The following CFAP65 variants were observed in gnomAD, a reference collection of about 807,000 sequenced individuals.
CFAP65 encodes cilia- and flagella-associated protein 65.
A neutral mutation model predicts 208.0 loss-of-function variants in CFAP65; 155 were observed. That is an observed-to-expected ratio of 0.75 (90% CI 0.65 to 0.85). CFAP65 has a LOEUF of 0.85. Among genes scored for constraint, CFAP65 ranks in the 40% least tolerant of loss-of-function variants. The pLI is 0.00. For missense variants in CFAP65, 2,294 were observed against 2,451.3 expected (o/e 0.94, Z 1.36); for synonymous variants, 970 against 986.3 (o/e 0.98, Z 0.31).
Position 219,031,102 on chromosome 2 carries a change from T to C in CFAP65, c.1015+4A>G. On this transcript the variant is annotated splice_donor_region_variant and intron_variant, in intron 8 of 34. Coordinates refer to ENST00000341552, the MANE Select transcript of CFAP65 (RefSeq NM_194302.4). The surrounding 1 kb of genome is among the most constrained non-coding windows in gnomAD (Gnocchi z 5.2). ...TCTGGGGACGGTGGGAGGTTGGGCC[T>C]CACCCACAGCCTGCAGCTGGATGCT... 1.3e-6 allele frequency: 2 copies of C among 1,578,970 alleles called. No individual in the cohort carries two copies. Among genetic ancestry groups the C allele is most frequent in the Non-Finnish European group, 1.7e-6 (2 of 1,162,170 alleles).
At chr2:219,023,490 C>A (rs1223208684) in intron 15 of CFAP65, 59 bp from the exon 16 acceptor site, 1 of 1,265,974 alleles carries the variant, frequency 7.9e-7, no homozygotes, top group Admixed American at 2.4e-5. Context: ...CAGCCCCCCA[C>A]AACATGTCCA....
At chr2:219,041,526 G>T (rs757325589), upstream of CFAP65, 36 of 1,550,372 alleles carry the variant, frequency 2.3e-5, no homozygotes, top group Non-Finnish European at 3.1e-5. Context: ...TACAGGACGC[G>T]CAGGAAACGG....
rs747585408 is a variant in CFAP65 at position 219,003,969 on chromosome 2, C to G, written c.5538G>C (p.Glu1846Asp). 1 of 1,612,958 alleles carries G rather than the reference C, an allele frequency of 6.2e-7. No individual in the cohort carries two copies. Residue 1846 changes from glutamate (E) to aspartate (D), a missense_variant, in exon 33 of 35, where the codon GAG becomes GAC. Physicochemically the swap from Glu to Asp is conservative, Grantham distance 45. Transcript: ENST00000341552. The surrounding 1 kb of genome is among the most constrained non-coding windows in gnomAD (Gnocchi z 4.4). Reference protein sequence around the residue: ...VMVKEEQEQDEKEAIRRLPAF... With the variant: ...VMVKEEQEQDDKEAIRRLPAF... ...CTGCTCACCTTCTGATGGCCTCCTT[C>G]TCGTCCTGTTCTTGCTCCTCCTTCA... is the stretch of plus-strand genomic sequence containing the variant.
chr2:219,034,502 C>T (rs907923055), intron 5 of CFAP65: 2 of 151,996 alleles, frequency 1.3e-5, no homozygotes, highest in Admixed American at 1.3e-4. Flanking sequence ...TAAAAAAGCA[C>T]CAATCATAAA....
chr2:219,013,675 G>C (rs1559126835), intron 22 of CFAP65, 90 bp from the exon 23 acceptor site: 6 of 1,339,156 alleles, frequency 4.5e-6, no homozygotes, highest in Non-Finnish European at 6.3e-6. Context: ...GTGGCTTTGA[G>C]CTGGCCAGCC....
chr2:219,026,800 A>G, intron 13 of CFAP65: 4 of 986,074 alleles, frequency 4.1e-6, no homozygotes, highest in Non-Finnish European at 4.8e-6. Context: ...TAAATATCTG[A>G]CAGGCTGAAC....
rs1477695413 is a variant in CFAP65 at position 219,040,512 on chromosome 2, C to G, written c.-3+7G>C. ...TAGGCACCAGACAAGGCAGGCAAGGCTCCTACCTCCAATTGTGAACTGGAC... is the reference window on the plus strand; with the variant it reads ...TAGGCACCAGACAAGGCAGGCAAGGGTCCTACCTCCAATTGTGAACTGGAC... On this transcript the variant is annotated splice_region_variant and intron_variant, in intron 2 of 34. Transcript: ENST00000341552. 1.4e-6 allele frequency: 2 copies of G among 1,412,620 alleles called. No homozygotes were observed. The highest frequency in any genetic ancestry group is 2.0e-6 in the Non-Finnish European group (2 of 1,020,786). 87.5% of individuals were successfully genotyped at this position (1,412,620 alleles called of 1,614,324 possible).
intron 14 of CFAP65, among the ~76,000 whole-genome samples, chr2:219,025,169 G>A (rs544653324): frequency 1.3e-5 from 2 of 152,206 alleles, no homozygotes; most frequent in South Asian, 2.1e-4. Context: ...AGGGAGTGAC[G>A]CCAGATCTTC....
chr2:219,018,833 G>A lies in CFAP65; in HGVS notation c.3602+218C>T, dbSNP rs113664829. ...CAGGCTCCATCAGGGCAGTCCCACC[G>A]CTTCTGAGCCTATCACCGTGTCTCA... On this transcript the variant is annotated intron_variant, in intron 21 of 34. Transcript: ENST00000341552. The A allele has an allele frequency of 4.0e-4, 248 of 618,736 alleles. 1 individual carries two copies. Among genetic ancestry groups the A allele is most frequent in the African/African-American group, 3.9e-3 (215 of 54,472 alleles). The allele number at this position is 618,736 out of a possible 1,614,324, so 38.3% of individuals were successfully genotyped here.
intron 14 of CFAP65, 53 bp downstream of exon 14, chr2:219,025,969 C>T: frequency 1.1e-5 from 16 of 1,486,794 alleles, no homozygotes; most frequent in Non-Finnish European, 1.5e-5. Context: ...CAGGCCAAGG[C>T]AGAAGCTAGG....
chr2:219,021,904 C>T lies in CFAP65; in HGVS notation c.3006G>A (p.Gly1002=). Residue 1002 remains glycine, a synonymous_variant, in exon 18 of 35, where the codon GGG becomes GGA. Transcript: ENST00000341552. Reference sequence around the variant, plus strand: ...ACTGCTTGCTGTTCACCAGCACATTCCCAAAGGCCAGCTCCTTTTCCTTTG... The same window carrying T: ...ACTGCTTGCTGTTCACCAGCACATTTCCAAAGGCCAGCTCCTTTTCCTTTG... The part of the protein sequence containing the change: ...LSAKEKELAF[G]NVLVNSKQSR... 1.9e-6 allele frequency: 3 copies of T among 1,613,740 alleles called. No individual in the cohort carries two copies. The highest frequency in any genetic ancestry group is 2.5e-6 in the Non-Finnish European group (3 of 1,180,018).
chr2:219,029,587 A>G lies in CFAP65; in HGVS notation c.1466T>C (p.Ile489Thr). Residue 489 changes from isoleucine (I) to threonine (T), a missense_variant, in exon 11 of 35, where the codon ATT becomes ACT. Ile to Thr is a moderately conservative substitution (Grantham distance 89). Around this residue, in one of 2 missense-constraint regions of CFAP65, gnomAD observed 867 missense variants for 1,012.6 expected, o/e 0.86. Coordinates refer to ENST00000341552, the MANE Select transcript of CFAP65 (RefSeq NM_194302.4). ...LGERSEQPLWIENQSDCTAHF... is the reference protein window; with the variant it reads ...LGERSEQPLWTENQSDCTAHF... ...GGCCGTGCAGTCCGATTGGTTCTCA[A>G]TCCACAGGGGCTGCTCGGAGCGCTC... 1 of 1,614,062 alleles carries G rather than the reference A, an allele frequency of 6.2e-7. No homozygotes were observed. Among genetic ancestry groups the G allele is most frequent in the Non-Finnish European group, 8.5e-7 (1 of 1,179,996 alleles).
At chr2:219,011,616 GA>G (rs1306612216) in intron 24 of CFAP65, among the ~76,000 whole-genome samples, 1 of 152,148 alleles carries the variant, frequency 6.6e-6, no homozygotes, top group Non-Finnish European at 1.5e-5. Flanking sequence ...TAAGGGGGCG[GA>G]AAAGTCTGAG....
Position 219,003,302 on chromosome 2 carries a change from C to T in CFAP65, c.5556-30G>A. ...GAGGGGGCGGGGGCTAGCATGAGGG[C>T]GGCCGCAGTGCCCGCGCGCCTCCTC... On this transcript the variant is annotated intron_variant, in intron 33 of 34. Coordinates refer to ENST00000341552, the MANE Select transcript of CFAP65 (RefSeq NM_194302.4). The surrounding 1 kb of genome is among the most constrained non-coding windows in gnomAD (Gnocchi z 4.4). 6.7e-7 allele frequency: 1 copy of T among 1,491,688 alleles called. No homozygotes were observed. Among genetic ancestry groups the T allele is most frequent in the Non-Finnish European group, 8.9e-7 (1 of 1,118,848 alleles). The allele number at this position is 1,491,688 out of a possible 1,614,324, so 92.4% of individuals were successfully genotyped here. A position where few individuals can be genotyped will look rare whatever the true frequency, so the allele number is the denominator to read the frequency against.
At position 219,002,997 on chromosome 2, in the gene CFAP65, C is replaced by T. The variant is rs73089092; in HGVS notation, c.5718G>A (p.Leu1906=). The stretch of plus-strand genomic sequence containing the variant: ...GGAGTACCTCTGCTTGCTGCGTCGG[C>T]AGCAGCGTGTCCGGGGTCAGACTCC... The part of the protein sequence containing the change: ...VPRSLTPDTL[L]PTQQAEVLHP... Residue 1906 remains leucine (L), a synonymous_variant, in exon 35 of 35, where the codon CTG becomes CTA. Transcript: ENST00000341552. The surrounding 1 kb of genome is among the most constrained non-coding windows in gnomAD (Gnocchi z 7.9). 1,137 of 1,561,940 alleles carry T rather than the reference C, an allele frequency of 7.3e-4. 10 individuals are homozygous for T. In the African/African-American group the frequency reaches 0.012, roughly 17 times the overall value.
intron 2 of CFAP65, among the ~76,000 whole-genome samples, chr2:219,039,610 A>C (rs1948560448): frequency 6.6e-6 from 1 of 152,282 alleles, no homozygotes; most frequent in Admixed American, 6.5e-5. Context: ...TGGTAGCCAC[A>C]TTAAAAAAGT....
intron 3 of CFAP65, 117 bp downstream of exon 3, chr2:219,038,779 G>A: frequency 8.0e-7 from 1 of 1,242,626 alleles, no homozygotes; most frequent in Non-Finnish European, 1.1e-6. Context: ...CTCACCCTCA[G>A]GGAAGGCACT....
chr2:219,039,145 A>G, intron 2 of CFAP65, 95 bp from the exon 3 acceptor site: 2 of 1,132,180 alleles, frequency 1.8e-6, no homozygotes, highest in Admixed American at 4.7e-5. Flanking sequence ...TATATGTGGC[A>G]CATATATTTG....
intron 18 of CFAP65, 87 bp downstream of exon 18, chr2:219,021,693 G>T: frequency 1.4e-6 from 2 of 1,445,170 alleles, no homozygotes; most frequent in Non-Finnish European, 9.5e-7. Flanking sequence ...CTACAGGCGC[G>T]TGCCAGTGTG....
Sources: allele counts gnomAD v4.1 joint callset (sites outside exome capture counted in the v4.1 genomes callset), GRCh38; gene constraint gnomAD v4.1.1; regional missense constraint gnomAD v4.1.1; non-coding constraint Gnocchi (gnomAD v3.1); transcripts MANE v1.5; gene names NCBI Gene and HGNC (gene_info 2026-07-23, HGNC 2026-07-21).